The following PCDH15 variants were observed in gnomAD, a reference collection of about 807,000 sequenced individuals.
PCDH15 encodes the protein protocadherin-15.
Under a neutral mutation model 178.5 loss-of-function variants are expected in PCDH15, and 129 were observed. The observed-to-expected ratio is 0.72, with a 90% confidence interval of 0.63 to 0.84. The LOEUF is 0.84. Ranked by LOEUF, PCDH15 falls within the 40% of genes least tolerant of loss-of-function variation. The pLI, the probability that PCDH15 is intolerant of heterozygous loss-of-function variation, is 0.00. For missense variants in PCDH15, 2,230 were observed against 2,099.9 expected (o/e 1.06, Z -1.21); for synonymous variants, 800 against 732.0 (o/e 1.09, Z -1.50).
At chr10:55,455,859 A>C (rs1839539546) in intron 2 of PCDH15, among the ~76,000 whole-genome samples, 1 of 152,174 alleles carries the variant, frequency 6.6e-6, no homozygotes, top group Non-Finnish European at 1.5e-5. Flanking sequence ...AGAAGTCTTA[A>C]GATATTTGTG....
At chr10:54,823,290 T>C (rs1953077758) in intron 3 of PCDH15, among the ~76,000 whole-genome samples, 1 of 152,116 alleles carries the variant, frequency 6.6e-6, no homozygotes, top group South Asian at 2.1e-4. Flanking sequence ...AGTATGGTCT[T>C]ACATGGCACT....
chr10:55,207,892 C>G (rs776318058), intron 1 of PCDH15, among the ~76,000 whole-genome samples: 1 of 152,078 alleles, frequency 6.6e-6, no homozygotes, highest in Non-Finnish European at 1.5e-5. Context: ...TCACTTGAAC[C>G]TGGAAGGCAG....
intron 2 of PCDH15, among the ~76,000 whole-genome samples, chr10:55,452,117 A>G (rs1839449170): frequency 6.6e-6 from 1 of 152,182 alleles, no homozygotes; most frequent in Non-Finnish European, 1.5e-5. Context: ...TAGACAGAAT[A>G]ATACTCTGAT....
chr10:55,100,315 A>G (rs571313994), intron 2 of PCDH15, among the ~76,000 whole-genome samples: 41 of 152,262 alleles, frequency 2.7e-4, no homozygotes, highest in African/African-American at 9.9e-4. Context: ...TTCAATACAT[A>G]TTTTAGGAAC....
At chr10:54,209,428 G>A (rs566290642) in intron 10 of PCDH15, among the ~76,000 whole-genome samples, 51 of 152,112 alleles carry the variant, frequency 3.4e-4, no homozygotes, top group African/African-American at 1.1e-3. Context: ...ATATTCAAGA[G>A]GATTTCAAAG....
At chr10:54,126,259 C>T (rs952061446) in intron 15 of PCDH15, among the ~76,000 whole-genome samples, 4 of 151,914 alleles carry the variant, frequency 2.6e-5, no homozygotes, top group Non-Finnish European at 5.9e-5. Context: ...TTAGTAGAGA[C>T]AGGGATTCAC....
chr10:54,542,545 CCTA>C (rs1299952945), intron 2 of PCDH15, among the ~76,000 whole-genome samples: 1 of 152,136 alleles, frequency 6.6e-6, no homozygotes, highest in Non-Finnish European at 1.5e-5. Flanking sequence ...GCAAATATTT[CCTA>C]CTTTTTCCAT....
intron 2 of PCDH15, among the ~76,000 whole-genome samples, chr10:54,565,979 G>C (rs1347700083): frequency 6.6e-6 from 1 of 152,178 alleles, no homozygotes; most frequent in Non-Finnish European, 1.5e-5. Flanking sequence ...AGCTACTTGG[G>C]AGGCTGAGGC....
At chr10:54,481,253 A>C (rs1401414629) in intron 3 of PCDH15, among the ~76,000 whole-genome samples, 1 of 151,772 alleles carries the variant, frequency 6.6e-6, no homozygotes, top group African/African-American at 2.4e-5. Flanking sequence ...TTATATTACA[A>C]AATTTTCTCT....
At chr10:55,490,712 A>T (rs1339984891) in intron 2 of PCDH15, among the ~76,000 whole-genome samples, 1 of 151,804 alleles carries the variant, frequency 6.6e-6, no homozygotes, top group Admixed American at 6.6e-5. Flanking sequence ...CATGTGTGGA[A>T]GACAGAAAAA....
intron 9 of PCDH15, among the ~76,000 whole-genome samples, chr10:54,234,130 TTCTGTGTGTG>T (rs1209411372): frequency 5.7e-3 from 584 of 103,192 alleles, no homozygotes; most frequent in Non-Finnish European, 7.8e-3. Context: ...GGATATCCCC[TTCTGTGTGTG>T]TGTGTGTGTG....
At chr10:55,160,643 G>T (rs959864914) in intron 2 of PCDH15, among the ~76,000 whole-genome samples, 2 of 151,966 alleles carry the variant, frequency 1.3e-5, no homozygotes, top group Non-Finnish European at 2.9e-5. Context: ...CATTTCTGTT[G>T]CATCAAGTAT....
chr10:55,276,114 A>C (rs899547648), intron 1 of PCDH15, among the ~76,000 whole-genome samples: 7 of 151,020 alleles, frequency 4.6e-5, no homozygotes, highest in African/African-American at 1.7e-4. Context: ...AAAAATTCGT[A>C]TTAATTCCAT....
chr10:54,622,633 T>TA, intron 2 of PCDH15, among the ~76,000 whole-genome samples: 4 of 41,400 alleles, frequency 9.7e-5, no homozygotes, highest in Admixed American at 4.0e-4. Context: ...ATATAATATA[T>TA]ATTATATAAT....
chr10:53,967,038 TG>T (rs2089108883), intron 21 of PCDH15, among the ~76,000 whole-genome samples: 1 of 152,122 alleles, frequency 6.6e-6, no homozygotes, highest in Non-Finnish European at 1.5e-5. Context: ...GGTTTGGCTT[TG>T]TCTCCACCCA....
intron 2 of PCDH15, among the ~76,000 whole-genome samples, chr10:55,142,614 A>G (rs111735396): frequency 2.5e-5 from 2 of 79,302 alleles, no homozygotes; most frequent in South Asian, 9.9e-4. Flanking sequence ...ATTTTTATAT[A>G]TTTTCATAAA....
chr10:55,055,884 T>C (rs1012090454), intron 2 of PCDH15, among the ~76,000 whole-genome samples: 2 of 152,104 alleles, frequency 1.3e-5, no homozygotes, highest in East Asian at 3.9e-4. Flanking sequence ...CTGGCAAATA[T>C]ATGTTTTGTT....
At chr10:54,844,858 A>T (rs1207488466) in intron 3 of PCDH15, among the ~76,000 whole-genome samples, 2 of 151,918 alleles carry the variant, frequency 1.3e-5, no homozygotes, top group African/African-American at 4.8e-5. Context: ...ATTTTGTTTC[A>T]ATAATGACTT....
intron 8 of PCDH15, among the ~76,000 whole-genome samples, chr10:54,309,723 G>A (rs1041017222): frequency 6.6e-6 from 1 of 151,980 alleles, no homozygotes; most frequent in Non-Finnish European, 1.5e-5. Context: ...TTGAACACAG[G>A]AGGCATAGGT....
Sources: gnomAD v4.1 joint callset for allele counts (sites outside exome capture counted in the v4.1 genomes callset) on GRCh38, gnomAD v4.1.1 for gene constraint, MANE v1.5 for transcripts, NCBI Gene and HGNC (gene_info 2026-07-23, HGNC 2026-07-21) for gene names.